Variants in ZBTB8A observed in about 807,000 individuals in gnomAD.
ZBTB8A encodes zinc finger and BTB domain-containing protein 8A.
Under a neutral mutation model 37.8 loss-of-function variants are expected in ZBTB8A, and 19 were observed. The ratio of observed to expected loss-of-function variants is 0.50; its 90% confidence interval spans 0.35 to 0.74. ZBTB8A has a LOEUF of 0.74. ZBTB8A is among the 30% of genes least tolerant of loss of function. The probability of loss-of-function intolerance (pLI) is 0.01; values close to 1 mark genes in which losing one functional copy is unlikely to be tolerated. For missense variants in ZBTB8A, 394 were observed against 537.8 expected (o/e 0.73, Z 2.65); for synonymous variants, 181 against 185.2 (o/e 0.98, Z 0.19).
At chr1:32,585,801 G>A (rs1252323007) in intron 2 of ZBTB8A, among the ~76,000 whole-genome samples, 4 of 151,768 alleles carry the variant, frequency 2.6e-5, no homozygotes, top group African/African-American at 9.7e-5. Context: ...TCAGGAGTTC[G>A]AGACCAGACT....
intron 1 of ZBTB8A, among the ~76,000 whole-genome samples, chr1:32,540,071 A>G (rs1195739266): frequency 6.6e-6 from 1 of 151,756 alleles, no homozygotes; most frequent in Non-Finnish European, 1.5e-5. Flanking sequence ...TTCTCGGTGC[A>G]GCCTCCATCC....
chr1:32,563,209 G>A (rs1466888564), intron 2 of ZBTB8A, among the ~76,000 whole-genome samples: 2 of 152,072 alleles, frequency 1.3e-5, no homozygotes, highest in African/African-American at 2.4e-5. Context: ...ATAGAATCAC[G>A]TGAGAATGAG....
chr1:32,574,907 A>G (rs1453650244), intron 2 of ZBTB8A, among the ~76,000 whole-genome samples: 1 of 152,078 alleles, frequency 6.6e-6, no homozygotes, highest in East Asian at 1.9e-4. Flanking sequence ...CCCCATCAGT[A>G]GCTGGGACCA....
rs950904666 is a variant in ZBTB8A, at chr1:32,592,984, G to A, written c.53G>A (p.Arg18His). ...CTCCTGCAGCAACTGAACGAGCAGC[G>A]CAGGCAAGATGTATTTTGTGACTGC... ...SHLLQQLNEQRRQDVFCDCSI... is the reference protein window; with the variant it reads ...SHLLQQLNEQHRQDVFCDCSI... Residue 18 changes from arginine to histidine, a missense_variant, in exon 3 of 5, where the codon CGC (arginine) becomes CAC (histidine). Coordinates refer to ENST00000373510, the MANE Select transcript of ZBTB8A (RefSeq NM_001040441.3). 2.5e-6 allele frequency: 4 copies of A among 1,614,010 alleles called. No homozygotes were observed. Among genetic ancestry groups the A allele is most frequent in the Non-Finnish European group, 3.4e-6 (4 of 1,180,016 alleles).
intron 2 of ZBTB8A, among the ~76,000 whole-genome samples, chr1:32,582,500 T>A (rs1644414707): frequency 6.6e-6 from 1 of 152,014 alleles, no homozygotes; most frequent in South Asian, 2.1e-4. Flanking sequence ...ATACAAAAAT[T>A]AGCTGGACAT....
In ZBTB8A at chr1:32,585,027, CTT is replaced by C. The variant is rs1163697499; in HGVS notation, c.-1-7883_-1-7882del. Among the ~76,000 whole-genome samples the C allele has an allele frequency of 6.9e-3, 730 of 105,546 alleles. 4 individuals carry two copies. Among genetic ancestry groups the C allele is most frequent in the African/African-American group, 0.024 (658 of 27,730 alleles). 69.2% of individuals were successfully genotyped at this position (105,546 alleles called of 152,430 possible). Reference sequence around the variant, plus strand: ...TATCTACGAAGAATGTTTCAGATTTCTTTTTTTTTTTTTTTTTTTTTTGAGAA... The same window carrying C: ...TATCTACGAAGAATGTTTCAGATTTCTTTTTTTTTTTTTTTTTTTTGAGAA... On this transcript the variant is annotated intron_variant, in intron 2 of 4. Coordinates refer to ENST00000373510, the MANE Select transcript of ZBTB8A (RefSeq NM_001040441.3).
chr1:32,567,809 A>C lies in ZBTB8A; in HGVS notation c.-2+14269A>C, dbSNP rs1299452197. 1.7e-3 allele frequency among the ~76,000 whole-genome samples: 70 copies of C among 42,270 alleles called. 6 individuals carry two copies. The highest frequency in any genetic ancestry group is 2.2e-3 in the African/African-American group (17 of 7,638). 27.7% of individuals were successfully genotyped at this position (42,270 alleles called of 152,430 possible). A position where few individuals can be genotyped will look rare whatever the true frequency, so the allele number is the denominator to read the frequency against. On this transcript the variant is annotated intron_variant, in intron 2 of 4. Coordinates refer to ENST00000373510, the MANE Select transcript of ZBTB8A (RefSeq NM_001040441.3). ...TCTGTCTCAAAAAAAAAAAAAAAAAAAAAAAAAAAAAAAACAAAAACAAAA... is the reference window on the plus strand; with the variant it reads ...TCTGTCTCAAAAAAAAAAAAAAAAACAAAAAAAAAAAAAACAAAAACAAAA...
intron 1 of ZBTB8A, among the ~76,000 whole-genome samples, chr1:32,549,236 G>T (rs1394502465): frequency 6.6e-6 from 1 of 152,148 alleles, no homozygotes; most frequent in African/African-American, 2.4e-5. Flanking sequence ...GCTCATGCCT[G>T]TAATCCCAGC....
rs556297710 is a variant in ZBTB8A at position 32,603,330 on chromosome 1, A to C, written c.*2911A>C. 3 of 151,942 alleles carry C rather than the reference A, an allele frequency of 2.0e-5. No individual in the cohort carries two copies. Among genetic ancestry groups the C allele is most frequent in the Non-Finnish European group, 4.4e-5 (3 of 68,004 alleles). 9.4% of individuals were successfully genotyped at this position (151,942 alleles called of 1,614,324 possible). The stretch of plus-strand genomic sequence containing the variant: ...TTTTTAGTAGAGACAGGGTTTCGCT[A>C]TGTTGGCCAGGCTGGTCTCGAACTC... On this transcript the variant is annotated 3_prime_UTR_variant, in exon 5 of 5. Coordinates refer to ENST00000373510, the MANE Select transcript of ZBTB8A (RefSeq NM_001040441.3).
chr1:32,580,405 C>A (rs143379580), intron 2 of ZBTB8A, among the ~76,000 whole-genome samples: 1,524 of 152,018 alleles, frequency 0.01, 9 homozygotes, highest in Non-Finnish European at 0.015. Context: ...TAAAAATTAG[C>A]CAGGCATGGT....
intron 2 of ZBTB8A, among the ~76,000 whole-genome samples, chr1:32,567,577 A>C (rs1055894509): frequency 9.2e-5 from 13 of 141,986 alleles, no homozygotes; most frequent in Non-Finnish European, 1.7e-4. Flanking sequence ...GGCAGATCAC[A>C]AGGTCAGGAG....
intron 2 of ZBTB8A, among the ~76,000 whole-genome samples, chr1:32,584,682 T>TTTTTG (rs1157806818): frequency 2.0e-5 from 3 of 151,588 alleles, no homozygotes; most frequent in Admixed American, 6.6e-5. Flanking sequence ...CAGCTAATTT[T>TTTTTG]TTTTGTTTTG....
At chr1:32,560,615 C>CTTTTTT (rs1170510859) in intron 2 of ZBTB8A, among the ~76,000 whole-genome samples, 64 of 90,792 alleles carry the variant, frequency 7.0e-4, no homozygotes, top group East Asian at 2.2e-3. Flanking sequence ...TCTTTTCTTT[C>CTTTTTT]TTTTTTTTTT....
chr1:32,556,599 C>G (rs143069261), intron 2 of ZBTB8A, among the ~76,000 whole-genome samples: 2 of 152,088 alleles, frequency 1.3e-5, no homozygotes, highest in Non-Finnish European at 2.9e-5. Context: ...GGTATAGGGC[C>G]GGGCACAGTG....
intron 2 of ZBTB8A, among the ~76,000 whole-genome samples, chr1:32,585,323 C>A (rs184462274): frequency 2.0e-5 from 3 of 152,006 alleles, no homozygotes; most frequent in Admixed American, 1.3e-4. Flanking sequence ...CTCAGAAAAT[C>A]TCTGGATAAA....
At chr1:32,564,314 T>A (rs1412268431) in intron 2 of ZBTB8A, among the ~76,000 whole-genome samples, 1 of 152,210 alleles carries the variant, frequency 6.6e-6, no homozygotes. Context: ...CTAGTGTAAT[T>A]GATACATCAG....
intron 1 of ZBTB8A, among the ~76,000 whole-genome samples, chr1:32,544,452 C>T (rs572783380): frequency 1.3e-5 from 2 of 152,230 alleles, no homozygotes; most frequent in Middle Eastern, 3.2e-3. Context: ...AATCCCAGCA[C>T]TTTGGGAGCC....
At chr1:32,567,887 A>G (rs1298014536) in intron 2 of ZBTB8A, among the ~76,000 whole-genome samples, 6 of 150,062 alleles carry the variant, frequency 4.0e-5, no homozygotes, top group Non-Finnish European at 1.5e-5. Context: ...CACGCCTGTA[A>G]TCCCAGCACT....
At chr1:32,592,812 T>A in intron 2 of ZBTB8A, 119 bp from the exon 3 acceptor site, 1 of 812,778 alleles carries the variant, frequency 1.2e-6, no homozygotes, top group Non-Finnish European at 1.9e-6. Context: ...CCAGCCACAG[T>A]GAGCTTTGAT....
Sources: gnomAD v4.1 joint callset for allele counts (sites outside exome capture counted in the v4.1 genomes callset) on GRCh38, gnomAD v4.1.1 for gene constraint, MANE v1.5 for transcripts, NCBI Gene and HGNC (gene_info 2026-07-23, HGNC 2026-07-21) for gene names.